Variants in PGR observed in about 807,000 individuals in gnomAD.
The protein encoded by PGR is progesterone receptor, also known as nuclear receptor subfamily 3 group C member 3.
In PGR, 25 loss-of-function variants were observed where a neutral mutation model predicts 76.1. The observed-to-expected ratio is 0.33, with a 90% CI of 0.24 to 0.46. The LOEUF (loss-of-function observed/expected upper bound fraction) is 0.46, where lower values mean the gene tolerates loss of function less well. Ranked by LOEUF, PGR falls within the 20% of genes least tolerant of loss-of-function variation. PGR has a pLI of 1.00. For synonymous variants in PGR, 579 were observed against 535.0 expected (o/e 1.08, Z -1.14); for missense variants, 1,172 against 1,225.3 (o/e 0.96, Z 0.65).
chr11:101,101,584 C>G (rs1240407205), intron 2 of PGR, among the ~76,000 whole-genome samples: 3 of 152,106 alleles, frequency 2.0e-5, no homozygotes, highest in African/African-American at 7.2e-5. Context: ...AATTAAAATA[C>G]TCCTCCATTT....
rs1297536057 is a variant in PGR at position 101,128,014 on chromosome 11, C to T, written c.1057G>A (p.Val353Ile). Reference protein sequence around the residue: ...RSSPCASSTPVAVGDFPDCAY... With the variant: ...RSSPCASSTPIAVGDFPDCAY... ...CAGTCGGGGAAGTCGCCTACAGCGACCGGGGTGGACGAGGCACAGGGTGAA... is the reference window on the plus strand; with the variant it reads ...CAGTCGGGGAAGTCGCCTACAGCGATCGGGGTGGACGAGGCACAGGGTGAA... Residue 353 changes from valine (V) to isoleucine (I), a missense_variant, in exon 1 of 8, where the codon GTC becomes ATC. Physicochemically the swap from Val to Ile is conservative, Grantham distance 29 (BLOSUM62 3). Transcript: ENST00000325455. 6.2e-7 allele frequency: 1 copy of T among 1,609,862 alleles called. No homozygotes were observed. The highest frequency in any genetic ancestry group is 8.5e-7 in the Non-Finnish European group (1 of 1,179,814).
Position 101,118,748 on chromosome 11 carries a change from T to A in PGR, c.1789+7259A>T, listed in dbSNP as rs999453542. Among the ~76,000 whole-genome samples, 4 of 152,210 alleles carry A rather than the reference T, an allele frequency of 2.6e-5. No individual in the cohort carries two copies. The South Asian group carries it at 8.3e-4, about 31-fold the overall frequency. ...ATCAGAGGAGAAAAAAATGTCTTGATGATAGATTATATGAAGTATGCATTA... is the reference window on the plus strand; with the variant it reads ...ATCAGAGGAGAAAAAAATGTCTTGAAGATAGATTATATGAAGTATGCATTA... On this transcript the variant is annotated intron_variant, in intron 2 of 7. Transcript: ENST00000325455.
At chr11:101,058,531 A>G (rs1860373646) in intron 4 of PGR, among the ~76,000 whole-genome samples, 1 of 152,218 alleles carries the variant, frequency 6.6e-6, no homozygotes, top group African/African-American at 2.4e-5. Flanking sequence ...AGTCTGGTGA[A>G]ATGACACAAA....
intron 2 of PGR, among the ~76,000 whole-genome samples, chr11:101,120,376 T>C (rs1338859981): frequency 6.6e-6 from 1 of 152,234 alleles, no homozygotes; most frequent in African/African-American, 2.4e-5. Flanking sequence ...AAGCTAATCA[T>C]CTAGTTCATT....
intron 3 of PGR, among the ~76,000 whole-genome samples, chr11:101,080,437 AAAT>A (rs1053532025): frequency 2.6e-5 from 4 of 151,406 alleles, no homozygotes; most frequent in Non-Finnish European, 5.9e-5. Context: ...AAAATTATTA[AAAT>A]AATAATAATA....
At chr11:101,103,096 C>CAGCAGGAGGTG (rs1380648462) in intron 2 of PGR, among the ~76,000 whole-genome samples, 1 of 151,204 alleles carries the variant, frequency 6.6e-6, no homozygotes, top group Non-Finnish European at 1.5e-5. Context: ...GCCTGATTCA[C>CAGCAGGAGGTG]AGCAGGAGGT....
In PGR at chr11:101,038,949, A is replaced by G; in HGVS notation, c.*167T>C. The G allele has an allele frequency of 1.8e-6, 1 of 556,990 alleles. No homozygotes were observed. The highest frequency in any genetic ancestry group is 3.2e-6 in the Non-Finnish European group (1 of 316,190). 34.5% of individuals were successfully genotyped at this position (556,990 alleles called of 1,614,324 possible). A position where few individuals can be genotyped will look rare whatever the true frequency, so the allele number is the denominator to read the frequency against. ...TTAAACATTCTAATTATACTTTATA[A>G]AAGAAAATAATTAGAACCTCACAAT... On this transcript the variant is annotated 3_prime_UTR_variant, in exon 8 of 8. Coordinates refer to ENST00000325455, the MANE Select transcript of PGR (RefSeq NM_000926.4).
At chr11:101,118,555 T>C (rs754581021) in intron 2 of PGR, among the ~76,000 whole-genome samples, 10 of 152,162 alleles carry the variant, frequency 6.6e-5, no homozygotes, top group South Asian at 4.1e-4. Flanking sequence ...TAAAATGTCA[T>C]ATAAAGTACA....
At chr11:101,115,331 C>T (rs1425376888) in intron 2 of PGR, among the ~76,000 whole-genome samples, 1 of 151,952 alleles carries the variant, frequency 6.6e-6, no homozygotes, top group Non-Finnish European at 1.5e-5. Context: ...ATCAAAAACA[C>T]ATTTGATTTA....
chr11:101,047,311 A>T (rs896966318), intron 6 of PGR, among the ~76,000 whole-genome samples: 1 of 152,170 alleles, frequency 6.6e-6, no homozygotes, highest in Non-Finnish European at 1.5e-5. Context: ...TGGAAGATCT[A>T]GGACTATCTG....
chr11:101,083,384 C>T (rs1170739618), intron 3 of PGR, among the ~76,000 whole-genome samples: 2 of 152,212 alleles, frequency 1.3e-5, no homozygotes, highest in African/African-American at 4.8e-5. Context: ...GGAGCCCCTG[C>T]ACAGAGTTCC....
intron 4 of PGR, among the ~76,000 whole-genome samples, chr11:101,052,755 G>A (rs1447175280): frequency 6.6e-6 from 1 of 152,080 alleles, no homozygotes; most frequent in Non-Finnish European, 1.5e-5. Flanking sequence ...AGAGGAGAGA[G>A]TGCATCAGAA....
chr11:101,045,668 TGTG>T (rs1859850589), intron 6 of PGR, among the ~76,000 whole-genome samples: 2 of 28,084 alleles, frequency 7.1e-5, no homozygotes, highest in Non-Finnish European at 1.9e-4. Context: ...TTCCATTTTG[TGTG>T]TGTGTGTGTG....
At chr11:101,056,235 A>AG (rs1200941672) in intron 4 of PGR, among the ~76,000 whole-genome samples, 3 of 67,792 alleles carry the variant, frequency 4.4e-5, no homozygotes, top group Non-Finnish European at 6.7e-5. Context: ...ACAAATGTTA[A>AG]AAAAAAAAAC....
intron 4 of PGR, among the ~76,000 whole-genome samples, chr11:101,061,337 C>T (rs1441194503): frequency 5.3e-5 from 8 of 152,122 alleles, no homozygotes; most frequent in Admixed American, 4.6e-4. Context: ...ACTTCATCTC[C>T]ACTAGAATAC....
chr11:101,127,805 C>A lies in PGR; in HGVS notation c.1266G>T (p.Pro422=), dbSNP rs1274486886. The A allele has an allele frequency of 3.8e-6, 6 of 1,568,266 alleles. No homozygotes were observed. The highest frequency in any genetic ancestry group is 5.1e-6 in the Non-Finnish European group (6 of 1,165,144). The change falls in exon 1 of 8, where the codon CCG becomes CCT. Residue 422 remains proline, a synonymous_variant. Transcript: ENST00000325455. ...AAFPDFPLGP[P]PPLPPRATPS... ...GGGTCGCTCGCGGCGGCAGCGGGGGCGGTGGCCCCAACGGGAAATCCGGGA... is the reference window on the plus strand; with the variant it reads ...GGGTCGCTCGCGGCGGCAGCGGGGGAGGTGGCCCCAACGGGAAATCCGGGA...
intron 3 of PGR, among the ~76,000 whole-genome samples, chr11:101,067,239 G>A (rs944679745): frequency 5.9e-5 from 9 of 151,878 alleles, no homozygotes; most frequent in East Asian, 1.9e-4. Context: ...TCTGCATATC[G>A]CCTTATCAGA....
chr11:101,070,448 T>A (rs1187665049), intron 3 of PGR, among the ~76,000 whole-genome samples: 1 of 151,988 alleles, frequency 6.6e-6, no homozygotes, highest in South Asian at 2.1e-4. Context: ...CATACCCCAG[T>A]GGCACCTGGA....
rs1029116550 is a variant in PGR, at chr11:101,038,241, G to C, written c.*875C>G. The stretch of plus-strand genomic sequence containing the variant: ...TGTTAATAAGCTCTGACCCAAAGGA[G>C]CAATTGGCAGGAAAGATATTTTACT... On this transcript the variant is annotated 3_prime_UTR_variant, in exon 8 of 8. Transcript: ENST00000325455. 5.1e-6 allele frequency: 1 copy of C among 195,528 alleles called. No individual in the cohort carries two copies. Among genetic ancestry groups the C allele is most frequent in the Non-Finnish European group, 1.1e-5 (1 of 94,154 alleles). The allele number at this position is 195,528 out of a possible 1,614,324, so 12.1% of individuals were successfully genotyped here.
Sources: allele counts gnomAD v4.1 joint callset (sites outside exome capture counted in the v4.1 genomes callset), GRCh38; gene constraint gnomAD v4.1.1; transcripts MANE v1.5; gene names NCBI Gene and HGNC (gene_info 2026-07-23, HGNC 2026-07-21).